Variants in PAK1 observed in about 807,000 individuals in gnomAD.
PAK1 encodes p21 (RAC1) activated kinase 1, also known as serine/threonine-protein kinase PAK 1.
In PAK1, 29 loss-of-function variants were observed where a neutral mutation model predicts 67.4. The ratio of observed to expected loss-of-function variants is 0.43; its 90% CI spans 0.32 to 0.59. The LOEUF is 0.59. Ranked by LOEUF, PAK1 falls within the 20% of genes least tolerant of loss-of-function variation. PAK1 has a pLI of 0.07. For synonymous variants in PAK1, 223 were observed against 237.4 expected (o/e 0.94, Z 0.56); for missense variants, 337 against 670.7 (o/e 0.50, Z 5.50).
chr11:77,446,243 G>A (rs1214684059), intron 1 of PAK1, among the ~76,000 whole-genome samples: 1 of 152,144 alleles, frequency 6.6e-6, no homozygotes, highest in Non-Finnish European at 1.5e-5. Flanking sequence ...TGGGCACGGT[G>A]GCTCACACCT....
At chr11:77,480,610 G>A in the PAK1 span, among the ~76,000 whole-genome samples, 3 of 141,788 alleles carry the variant, frequency 2.1e-5, no homozygotes, top group African/African-American at 5.3e-5. Context: ...TGCAACCTCC[G>A]CCTCCCAGGT....
chr11:77,521,523 C>T, the PAK1 span, among the ~76,000 whole-genome samples: 3 of 151,526 alleles, frequency 2.0e-5, no homozygotes, highest in East Asian at 5.8e-4. Context: ...AACCGAAACT[C>T]CACCTCAAAA....
At chr11:77,392,615 CA>C (rs1951281889) in intron 1 of PAK1, 74 bp from the exon 2 acceptor site, 1 of 1,236,014 alleles carries the variant, frequency 8.1e-7, no homozygotes, top group East Asian at 2.4e-5. Context: ...TAAAAAATTG[CA>C]AAGAATCAAA....
chr11:77,419,818 C>G (rs1191117907), intron 1 of PAK1, among the ~76,000 whole-genome samples: 1 of 151,988 alleles, frequency 6.6e-6, no homozygotes, highest in South Asian at 2.1e-4. Context: ...GATGGTGAGG[C>G]CAATTGCCTG....
chr11:77,484,155 T>C, the PAK1 span, among the ~76,000 whole-genome samples: 1 of 138,660 alleles, frequency 7.2e-6, no homozygotes, highest in East Asian at 2.1e-4. Context: ...GAGAAAACCA[T>C]AAGTCCTATA....
At chr11:77,373,569 A>AT (rs1294398089) in intron 5 of PAK1, among the ~76,000 whole-genome samples, 1 of 151,784 alleles carries the variant, frequency 6.6e-6, no homozygotes, top group Non-Finnish European at 1.5e-5. Context: ...CTTTAAAAAA[A>AT]AAAAAAAAAA....
At position 77,359,555 on chromosome 11, in the gene PAK1, C is replaced by G. The variant is rs140724621; in HGVS notation, c.478-538G>C. 2.6e-4 allele frequency among the ~76,000 whole-genome samples: 40 copies of G among 152,188 alleles called. No homozygotes were observed. In the East Asian group the frequency reaches 5.4e-3, roughly 21 times the overall value. ...ACATTACCAGGGGTCCTCACCTCAA[C>G]CTGAAGATAAAGAACATCAGCATCA... On this transcript the variant is annotated intron_variant, in intron 5 of 14. Coordinates refer to ENST00000356341, the MANE Select transcript of PAK1 (RefSeq NM_002576.5).
chr11:77,460,122 C>G (rs1209294904), intron 1 of PAK1, among the ~76,000 whole-genome samples: 1 of 144,774 alleles, frequency 6.9e-6, no homozygotes, highest in Non-Finnish European at 1.5e-5. Context: ...TGTGAAGGCC[C>G]TGAGGAGAGA....
At chr11:77,425,271 C>T (rs1334279439) in intron 1 of PAK1, among the ~76,000 whole-genome samples, 1 of 141,418 alleles carries the variant, frequency 7.1e-6, no homozygotes, top group Non-Finnish European at 1.6e-5. Context: ...CAGGCTTTTG[C>T]TTTTTTTTTT....
At chr11:77,496,451 C>G in the PAK1 span, among the ~76,000 whole-genome samples, 1 of 151,932 alleles carries the variant, frequency 6.6e-6, no homozygotes, top group East Asian at 1.9e-4. Context: ...CAGTGAAACC[C>G]TGGCTCTACA....
intron 1 of PAK1, chr11:77,411,842 C>T (rs1954591638): frequency 1.3e-5 from 2 of 152,372 alleles, no homozygotes. Flanking sequence ...CTCTCCCTGC[C>T]CAACCGGGTA....
intron 1 of PAK1, among the ~76,000 whole-genome samples, chr11:77,427,682 AGCCAATGAATCAGAG>A (rs1252317540): frequency 6.6e-6 from 1 of 152,234 alleles, no homozygotes; most frequent in East Asian, 1.9e-4. Context: ...TTCAAGGAGC[AGCCAATGAATCAGAG>A]GCAACAGATA....
At chr11:77,478,223 T>C (rs927189155), upstream of PAK1, among the ~76,000 whole-genome samples, 26 of 152,078 alleles carry the variant, frequency 1.7e-4, no homozygotes, top group Non-Finnish European at 2.4e-4. Context: ...TTTTTTTTTC[T>C]CATCAACATT....
At chr11:77,355,142 T>C (rs1358117075) in intron 7 of PAK1, among the ~76,000 whole-genome samples, 1 of 152,160 alleles carries the variant, frequency 6.6e-6, no homozygotes, top group Non-Finnish European at 1.5e-5. Context: ...ATCATAATGC[T>C]TTTCTTCACA....
chr11:77,524,547 A>C, the PAK1 span, among the ~76,000 whole-genome samples: 1 of 152,246 alleles, frequency 6.6e-6, no homozygotes, highest in African/African-American at 2.4e-5. Context: ...CAAGCTGAGC[A>C]AGCCTGCCCT....
At chr11:77,347,221 C>A in intron 9 of PAK1, 1 of 394,874 alleles carries the variant, frequency 2.5e-6, no homozygotes. Context: ...CTCACACAGC[C>A]AGCCTCCAGG....
chr11:77,328,023 CAA>C (rs1303330200), intron 14 of PAK1, among the ~76,000 whole-genome samples: 1 of 152,076 alleles, frequency 6.6e-6, no homozygotes, highest in African/African-American at 2.4e-5. Flanking sequence ...CAACAAAGAT[CAA>C]AAGAGACAAA....
chr11:77,436,483 T>C (rs1956134894), intron 1 of PAK1, among the ~76,000 whole-genome samples: 1 of 152,196 alleles, frequency 6.6e-6, no homozygotes, highest in African/African-American at 2.4e-5. Context: ...TAAGTCAATT[T>C]ATCTCTCTCT....
intron 14 of PAK1, chr11:77,325,491 C>A: frequency 9.4e-7 from 1 of 1,066,404 alleles, no homozygotes; most frequent in Non-Finnish European, 1.3e-6. Context: ...GGTAAAGATT[C>A]AATATAACCC....
Sources: allele counts gnomAD v4.1 joint callset (sites outside exome capture counted in the v4.1 genomes callset), GRCh38; gene constraint gnomAD v4.1.1; transcripts MANE v1.5; gene names NCBI Gene and HGNC (gene_info 2026-07-23, HGNC 2026-07-21).